The following ITGAX variants were observed in gnomAD, a reference collection of about 807,000 sequenced individuals.
ITGAX encodes integrin alpha-X.
A neutral mutation model predicts 140.2 loss-of-function variants in ITGAX; 99 were observed. That is an observed-to-expected ratio of 0.71 (90% CI 0.60 to 0.83). ITGAX has a LOEUF of 0.83. ITGAX is among the 40% of genes least tolerant of loss of function. The probability of loss-of-function intolerance (pLI) is 0.00; values close to 1 mark genes in which losing one functional copy is unlikely to be tolerated. For missense variants in ITGAX, 1,444 were observed against 1,482.0 expected (o/e 0.97, Z 0.42); for synonymous variants, 631 against 600.4 (o/e 1.05, Z -0.75).
intron 14 of ITGAX, among the ~76,000 whole-genome samples, chr16:31,369,070 G>T (rs1055545406): frequency 9.9e-5 from 15 of 151,938 alleles, no homozygotes; most frequent in Middle Eastern, 3.4e-3. Flanking sequence ...CCCCCCTTTC[G>T]ATTCCACAAA....
intron 23 of ITGAX, among the ~76,000 whole-genome samples, chr16:31,378,708 T>A (rs1054935510): frequency 2.6e-5 from 4 of 151,960 alleles, no homozygotes; most frequent in Non-Finnish European, 5.9e-5. Context: ...TGGCCTCAAG[T>A]GATCCTCCCA....
chr16:31,361,015 G>A (rs756291792), intron 8 of ITGAX, 48 bp from the exon 9 acceptor site: 2 of 1,585,014 alleles, frequency 1.3e-6, no homozygotes, highest in South Asian at 2.2e-5. Flanking sequence ...GTGCACACAG[G>A]CACATTTGAT....
intron 19 of ITGAX, 66 bp downstream of exon 19, chr16:31,372,736 C>A (rs1439448503): frequency 1.3e-5 from 19 of 1,435,040 alleles, no homozygotes; most frequent in Non-Finnish European, 1.8e-5. Context: ...GGGACTCCTG[C>A]CTCTGGCTCT....
At chr16:31,360,540 C>A in intron 8 of ITGAX, 77 bp downstream of exon 8, 1 of 1,345,640 alleles carries the variant, frequency 7.4e-7, no homozygotes, top group Non-Finnish European at 1.0e-6. Context: ...ATGTTCTTTT[C>A]TCTTTGAGAC....
Position 31,378,572 on chromosome 16 carries a change from C to G in ITGAX, c.2790-996C>G, listed in dbSNP as rs569281005. On this transcript the variant is annotated intron_variant, in intron 23 of 29. Coordinates refer to ENST00000268296, the MANE Select transcript of ITGAX (RefSeq NM_000887.5). ...GCCTTGAACTCCTCTTGGGCTCAAGCGAGCCTCCCACCTCAGCCTCCCAAG... is the reference window on the plus strand; with the variant it reads ...GCCTTGAACTCCTCTTGGGCTCAAGGGAGCCTCCCACCTCAGCCTCCCAAG... Among the ~76,000 whole-genome samples the G allele has an allele frequency of 9.1e-4, 137 of 151,322 alleles. 1 individual carries two copies. Among genetic ancestry groups the G allele is most frequent in the African/African-American group, 3.3e-3 (135 of 41,182 alleles).
At chr16:31,372,763 T>A in intron 19 of ITGAX, 93 bp downstream of exon 19, 1 of 1,250,744 alleles carries the variant, frequency 8.0e-7, no homozygotes, top group Non-Finnish European at 1.1e-6. Flanking sequence ...CATTGTCTCA[T>A]CCTATAGTCA....
intron 14 of ITGAX, among the ~76,000 whole-genome samples, chr16:31,364,426 C>T (rs75209258): frequency 2.4e-5 from 1 of 42,432 alleles, no homozygotes; most frequent in East Asian, 7.8e-4. Context: ...AATCCCGTGT[C>T]AAAAAAAAAA....
Position 31,371,343 on chromosome 16 carries a change from T to A in ITGAX, c.1851T>A (p.Pro617=). The part of the protein sequence containing the change: ...RGQVLLLRTR[P]VLWVGVSMQF... ...GGTGCTCTGCCCGCAGGACCAGACC[T>A]GTGCTCTGGGTGGGGGTGAGCATGC... Residue 617 remains proline (P), a synonymous_variant, in exon 16 of 30, where the codon CCT becomes CCA. Coordinates refer to ENST00000268296, the MANE Select transcript of ITGAX (RefSeq NM_000887.5). 6.2e-7 allele frequency: 1 copy of A among 1,614,130 alleles called. No individual in the cohort carries two copies. The highest frequency in any genetic ancestry group is 8.5e-7 in the Non-Finnish European group (1 of 1,180,006).
intron 23 of ITGAX, among the ~76,000 whole-genome samples, chr16:31,378,040 C>A (rs35987530): frequency 0.01 from 1,557 of 152,256 alleles, 12 homozygotes; most frequent in Middle Eastern, 0.017. Context: ...GTGAGACTGG[C>A]CACCTGTGTG....
chr16:31,372,697 C>T (rs989034533), intron 19 of ITGAX, 27 bp downstream of exon 19: 1 of 1,601,416 alleles, frequency 6.2e-7, no homozygotes, highest in Admixed American at 1.7e-5. Flanking sequence ...TAGACCTGCC[C>T]TACTGCCCCA....
chr16:31,380,708 A>G lies in ITGAX; in HGVS notation c.3276+84A>G, dbSNP rs1386796234. ...TGTGGTGCTGGGTGGGGGGTTTGCAAGCCTTGGGGGAGGAGGGCGAAGGCC... is the reference window on the plus strand; with the variant it reads ...TGTGGTGCTGGGTGGGGGGTTTGCAGGCCTTGGGGGAGGAGGGCGAAGGCC... On this transcript the variant is annotated intron_variant, in intron 28 of 29. Coordinates refer to ENST00000268296, the MANE Select transcript of ITGAX (RefSeq NM_000887.5). 1.9e-6 allele frequency: 3 copies of G among 1,544,560 alleles called. No homozygotes were observed. The East Asian group carries it at 6.7e-5, about 35-fold the overall frequency.
chr16:31,359,749 C>T lies in ITGAX; in HGVS notation c.480C>T (p.Gly160=), dbSNP rs745437742. 14 of 1,614,052 alleles carry T rather than the reference C, an allele frequency of 8.7e-6. No homozygotes were observed. Among genetic ancestry groups the T allele is most frequent in the Admixed American group, 6.7e-5 (4 of 60,008 alleles). The change falls in exon 6 of 30, where the codon GGC becomes GGT. Residue 160 remains glycine (G), a synonymous_variant. Coordinates refer to ENST00000268296, the MANE Select transcript of ITGAX (RefSeq NM_000887.5). ...QDIVFLIDGS[G]SISSRNFATM... is the part of the protein sequence containing the mutation. ...TTGTGTTCCTGATCGATGGCTCAGG[C>T]AGCATCTCCTCCCGCAACTTTGCCA...
chr16:31,379,190 C>T (rs1273859674), intron 23 of ITGAX, among the ~76,000 whole-genome samples: 1 of 151,994 alleles, frequency 6.6e-6, no homozygotes, highest in Non-Finnish European at 1.5e-5. Flanking sequence ...GATCTGGGCT[C>T]ACTGCAACCT....
At position 31,371,107 on chromosome 16, in the gene ITGAX, C is replaced by A; in HGVS notation, c.1734C>A (p.Ser578=). 2.5e-6 allele frequency: 4 copies of A among 1,614,150 alleles called. No homozygotes were observed. The East Asian group carries it at 6.7e-5, about 27-fold the overall frequency. ...HSQRIAGSQL[S]SRLQYFGQAL... is the part of the protein sequence containing the mutation. The stretch of plus-strand genomic sequence containing the variant: ...AGCGGATCGCGGGCTCCCAGCTCTC[C>A]TCCAGGCTGCAGTATTTTGGGCAGG... Residue 578 remains serine (S), a synonymous_variant, in exon 15 of 30, where the codon TCC becomes TCA. Transcript: ENST00000268296.
chr16:31,357,773 C>T, intron 5 of ITGAX: 1 of 414,266 alleles, frequency 2.4e-6, no homozygotes, highest in Non-Finnish European at 4.2e-6. Context: ...TTGGTTTGTG[C>T]CGTAGTTTAG....
chr16:31,380,321 T>C lies in ITGAX; in HGVS notation c.3116T>C (p.Val1039Ala). Reference sequence around the variant, plus strand: ...CGCTGTGACGTCCCCTCCTTCAGCGTCCAGGAGGAGCTGGATTTCACCCTG... The same window carrying C: ...CGCTGTGACGTCCCCTCCTTCAGCGCCCAGGAGGAGCTGGATTTCACCCTG... ...RFRCDVPSFS[V>A]QEELDFTLKG... Residue 1039 changes from valine to alanine, a missense_variant, in exon 27 of 30, where the codon GTC becomes GCC. By Grantham distance (64) the Val-to-Ala change is moderately conservative. Coordinates refer to ENST00000268296, the MANE Select transcript of ITGAX (RefSeq NM_000887.5). 1 of 1,614,202 alleles carries C rather than the reference T, an allele frequency of 6.2e-7. No individual in the cohort carries two copies. The highest frequency in any genetic ancestry group is 8.5e-7 in the Non-Finnish European group (1 of 1,180,032).
At chr16:31,367,158 T>A (rs1479869926) in intron 14 of ITGAX, among the ~76,000 whole-genome samples, 1 of 152,176 alleles carries the variant, frequency 6.6e-6, no homozygotes, top group Non-Finnish European at 1.5e-5. Context: ...GAAGAAAAAT[T>A]GGAAGTCAGC....
At position 31,357,234 on chromosome 16, in the gene ITGAX, C is replaced by T. The variant is rs1206088239; in HGVS notation, c.319-19C>T. 1 of 1,579,088 alleles carries T rather than the reference C, an allele frequency of 6.3e-7. No individual in the cohort carries two copies. The highest frequency in any genetic ancestry group is 2.3e-5 in the East Asian group (1 of 43,576). On this transcript the variant is annotated intron_variant, in intron 4 of 29. Transcript: ENST00000268296. The stretch of plus-strand genomic sequence containing the variant: ...GGAGGAAGCAGGGGCAGCCCCCCAG[C>T]AGCCCGCTGTGTCCCCAGGCCTGCG...
At chr16:31,369,280 G>A (rs1366601618) in intron 14 of ITGAX, among the ~76,000 whole-genome samples, 34 of 128,360 alleles carry the variant, frequency 2.6e-4, no homozygotes, top group Non-Finnish European at 4.1e-4. Flanking sequence ...CTGGCCGGGC[G>A]GGGGGCTGAC....
Sources: gnomAD v4.1 joint callset for allele counts (sites outside exome capture counted in the v4.1 genomes callset) on GRCh38, gnomAD v4.1.1 for gene constraint, MANE v1.5 for transcripts, NCBI Gene and HGNC (gene_info 2026-07-23, HGNC 2026-07-21) for gene names.